Variants in NAALADL2 observed in about 807,000 individuals in gnomAD.
NAALADL2 encodes the protein inactive N-acetylated-alpha-linked acidic dipeptidase-like protein 2.
NAALADL2 carries 76 observed loss-of-function variants against 87.2 expected under a neutral mutation model. The observed-to-expected ratio is 0.87, with a 90% CI of 0.72 to 1.05. The LOEUF (loss-of-function observed/expected upper bound fraction) is 1.05. NAALADL2 is among the 50% of genes least tolerant of loss of function. The pLI is 0.00. For synonymous variants in NAALADL2, 354 were observed against 331.0 expected (o/e 1.07, Z -0.75); for missense variants, 1,089 against 945.8 (o/e 1.15, Z -1.99).
intron 9 of NAALADL2, among the ~76,000 whole-genome samples, chr3:175,507,568 G>A (rs1217995648): frequency 6.6e-6 from 1 of 151,994 alleles, no homozygotes; most frequent in African/African-American, 2.4e-5. Context: ...GATTACAGGT[G>A]CCCGTAACCA....
rs188773861 is a variant in NAALADL2, at chr3:174,898,782, T to G, written c.43+39332T>G. Among the ~76,000 whole-genome samples, 722 of 152,154 alleles carry G rather than the reference T, an allele frequency of 4.7e-3. 5 individuals are homozygous for G. The highest frequency in any genetic ancestry group is 0.016 in the African/African-American group (663 of 41,530). ...ATAATTAGATAAAACTAAACTGTAT[T>G]TTTTGGAAATAAATCCTGGATGGTA... On this transcript the variant is annotated intron_variant, in intron 1 of 13. Transcript: ENST00000454872.
chr3:175,036,402 C>G (rs1345689956), intron 1 of NAALADL2, among the ~76,000 whole-genome samples: 1 of 145,386 alleles, frequency 6.9e-6, no homozygotes, highest in Non-Finnish European at 1.5e-5. Flanking sequence ...TTTTTTTTTT[C>G]TTTTTCTTTT....
In NAALADL2 at chr3:174,948,896, A is replaced by T. The variant is rs546728490; in HGVS notation, c.43+89446A>T. On this transcript the variant is annotated intron_variant, in intron 1 of 13. Coordinates refer to ENST00000454872, the MANE Select transcript of NAALADL2 (RefSeq NM_207015.3). ...ACTGGGTGACTTATAAACAACAGAA[A>T]TTTTATTTCTCCCAATTCTGGAGGC... Among the ~76,000 whole-genome samples the T allele has an allele frequency of 1.1e-4, 16 of 152,294 alleles. No individual in the cohort carries two copies. The East Asian group carries it at 2.7e-3, about 26-fold the overall frequency.
intron 4 of NAALADL2, among the ~76,000 whole-genome samples, chr3:175,289,796 A>G (rs1242484493): frequency 6.6e-6 from 1 of 152,138 alleles, no homozygotes; most frequent in African/African-American, 2.4e-5. Context: ...TCTTGTCTCA[A>G]AAAACAAACA....
Position 175,433,999 on chromosome 3 carries a change from T to C in NAALADL2, c.1091-13230T>C, listed in dbSNP as rs983345365. The stretch of plus-strand genomic sequence containing the variant: ...TCCAAGTGTATCTTCTCTCACTATA[T>C]ACCATCACTACAGCAAGAAACGAGT... On this transcript the variant is annotated intron_variant, in intron 5 of 13. Coordinates refer to ENST00000454872, the MANE Select transcript of NAALADL2 (RefSeq NM_207015.3). 2.0e-5 allele frequency among the ~76,000 whole-genome samples: 3 copies of C among 151,950 alleles called. No individual in the cohort carries two copies. The East Asian group carries it at 5.8e-4, about 29-fold the overall frequency.
chr3:174,847,936 A>G (rs892641326), intron 3 of NAALADL2, among the ~76,000 whole-genome samples: 9 of 151,804 alleles, frequency 5.9e-5, no homozygotes, highest in African/African-American at 2.2e-4. Flanking sequence ...TGTGGAGCAC[A>G]TATTTTTGAT....
intron 3 of NAALADL2, among the ~76,000 whole-genome samples, chr3:174,849,841 T>C (rs1725048920): frequency 6.6e-6 from 1 of 151,890 alleles, no homozygotes; most frequent in African/African-American, 2.4e-5. Context: ...CGTCTTGTCT[T>C]GCTGGATTGT....
intron 5 of NAALADL2, among the ~76,000 whole-genome samples, chr3:175,330,489 A>G (rs774259350): frequency 3.9e-5 from 6 of 152,132 alleles, no homozygotes; most frequent in Non-Finnish European, 4.4e-5. Context: ...TCAGACCGCA[A>G]TGGAATAAAC....
intron 2 of NAALADL2, among the ~76,000 whole-genome samples, chr3:174,649,980 G>A (rs759659380): frequency 6.6e-6 from 1 of 152,048 alleles, no homozygotes; most frequent in Non-Finnish European, 1.5e-5. Flanking sequence ...GCACATAGAT[G>A]AAGGAAAATT....
intron 3 of NAALADL2, among the ~76,000 whole-genome samples, chr3:174,840,154 AATAT>A (rs1192277556): frequency 2.0e-5 from 3 of 151,394 alleles, no homozygotes; most frequent in African/African-American, 7.3e-5. Flanking sequence ...ATATATATCT[AATAT>A]ATATATCTAT....
At position 174,660,600 on chromosome 3, in the gene NAALADL2, C is replaced by T. The variant is rs1382469111; in HGVS notation, c.-114-77041C>T. On this transcript the variant is annotated intron_variant, in intron 2 of 3. Transcript: ENST00000434257. ...CTGAGGATACGAAAGGATGATTTAT[C>T]AAAAATGTTGTGTACAATTTTGAAA... Among the ~76,000 whole-genome samples the T allele has an allele frequency of 4.0e-5, 6 of 151,812 alleles. No individual in the cohort carries two copies. In the East Asian group the frequency reaches 1.2e-3, roughly 29 times the overall value.
At chr3:174,825,252 A>T (rs1420505011) in intron 3 of NAALADL2, among the ~76,000 whole-genome samples, 1 of 152,236 alleles carries the variant, frequency 6.6e-6, no homozygotes, top group Admixed American at 6.5e-5. Flanking sequence ...TTTGCATCTT[A>T]AGGCCTGAGG....
At chr3:174,959,708 A>G (rs1475553032) in intron 1 of NAALADL2, among the ~76,000 whole-genome samples, 1 of 152,076 alleles carries the variant, frequency 6.6e-6, no homozygotes, top group East Asian at 1.9e-4. Context: ...AGCATTGAGA[A>G]TGAAGAGTCT....
chr3:174,795,541 C>T (rs551982076), intron 3 of NAALADL2, among the ~76,000 whole-genome samples: 9 of 151,902 alleles, frequency 5.9e-5, no homozygotes, highest in Non-Finnish European at 1.3e-4. Flanking sequence ...TTCCATTTTT[C>T]TTAAGTATAT....
chr3:175,645,521 T>G (rs576948567), intron 11 of NAALADL2, among the ~76,000 whole-genome samples: 1 of 152,008 alleles, frequency 6.6e-6, no homozygotes, highest in African/African-American at 2.4e-5. Flanking sequence ...AAATTTTTCC[T>G]GGGGGGCATT....
At chr3:174,986,264 A>T (rs568030899) in intron 1 of NAALADL2, among the ~76,000 whole-genome samples, 170 of 147,320 alleles carry the variant, frequency 1.2e-3, no homozygotes, top group African/African-American at 3.9e-3. Context: ...ATATATACAC[A>T]ATATATATAT....
chr3:174,583,999 T>C (rs190763747), intron 2 of NAALADL2, among the ~76,000 whole-genome samples: 3 of 152,190 alleles, frequency 2.0e-5, no homozygotes, highest in Non-Finnish European at 4.4e-5. Flanking sequence ...ATTTTGTTCA[T>C]TGATTTGTTA....
At chr3:175,708,535 C>T (rs113801158) in intron 11 of NAALADL2, among the ~76,000 whole-genome samples, 1,905 of 151,010 alleles carry the variant, frequency 0.013, 30 homozygotes, top group African/African-American at 0.044. Context: ...ACCAAACTGC[C>T]GAGTTGTCAG....
intron 1 of NAALADL2, among the ~76,000 whole-genome samples, chr3:174,925,453 A>G (rs1282118702): frequency 6.6e-6 from 1 of 152,174 alleles, no homozygotes; most frequent in Non-Finnish European, 1.5e-5. Context: ...TACCAGTACC[A>G]TGCTGTTTTG....
Sources: gnomAD v4.1 joint callset for allele counts (sites outside exome capture counted in the v4.1 genomes callset) on GRCh38, gnomAD v4.1.1 for gene constraint, MANE v1.5 for transcripts, NCBI Gene and HGNC (gene_info 2026-07-23, HGNC 2026-07-21) for gene names.